Variants in FREM1 observed in about 807,000 individuals in gnomAD.
FREM1 encodes FRAS1 related extracellular matrix 1, also known as FRAS1-related extracellular matrix protein 1.
In FREM1, 220 loss-of-function variants were observed where a neutral mutation model predicts 210.1. That is an observed-to-expected ratio of 1.05 (90% CI 0.94 to 1.17). FREM1 has a LOEUF of 1.17. Ranked by LOEUF, FREM1 falls within the 50% of genes most tolerant of loss-of-function variation. The pLI is 0.00. For missense variants in FREM1, 3,454 were observed against 2,675.5 expected (o/e 1.29, Z -6.42); for synonymous variants, 1,189 against 980.2 (o/e 1.21, Z -3.98).
chr9:14,881,390 A>C (rs932455453), intron 1 of FREM1, among the ~76,000 whole-genome samples: 23 of 152,206 alleles, frequency 1.5e-4, no homozygotes, highest in Non-Finnish European at 3.1e-4. Flanking sequence ...GGAATAAGTC[A>C]ATCTCAACAG....
At chr9:14,808,753 G>C (rs902125619) in intron 16 of FREM1, among the ~76,000 whole-genome samples, 12 of 152,130 alleles carry the variant, frequency 7.9e-5, no homozygotes, top group Non-Finnish European at 1.5e-5. Context: ...CACTGTTTAG[G>C]TCTTACATCT....
Position 14,841,478 on chromosome 9 carries a change from C to G in FREM1, c.1850G>C (p.Ser617Thr). The change falls in exon 10 of 37, where the codon AGC becomes ACC. Residue 617 changes from serine to threonine, a missense_variant. Physicochemically the swap from Ser to Thr is moderately conservative, Grantham distance 58 (BLOSUM62 1). Coordinates refer to ENST00000380880, the MANE Select transcript of FREM1 (RefSeq NM_001379081.2). ...CACTGAAAGATTTGGAGGTTCATGG[C>G]TGTCCCACAGGACAAATTGAAAAGA... is the stretch of plus-strand genomic sequence containing the variant. The part of the protein sequence containing the change: ...EDSFQFVLWD[S>T]HEPPNLSVPQ... 6.2e-7 allele frequency: 1 copy of G among 1,610,548 alleles called. No individual in the cohort carries two copies. Among genetic ancestry groups the G allele is most frequent in the Non-Finnish European group, 8.5e-7 (1 of 1,177,590 alleles).
intron 5 of FREM1, among the ~76,000 whole-genome samples, chr9:14,852,615 G>T (rs190309808): frequency 6.6e-6 from 1 of 152,296 alleles, no homozygotes; most frequent in Admixed American, 6.5e-5. Flanking sequence ...GATCACTTGA[G>T]CCCAGGAGTT....
chr9:14,840,874 A>G (rs934376962), intron 10 of FREM1, among the ~76,000 whole-genome samples: 1 of 152,360 alleles, frequency 6.6e-6, no homozygotes, highest in Admixed American at 6.5e-5. Flanking sequence ...ACACATTTAA[A>G]TTATATCCTC....
At chr9:14,820,385 C>G (rs1821069756) in intron 13 of FREM1, among the ~76,000 whole-genome samples, 1 of 152,158 alleles carries the variant, frequency 6.6e-6, no homozygotes, top group African/African-American at 2.4e-5. Context: ...AGTAAGGTGC[C>G]CTGTCCATGG....
chr9:14,806,378 C>T (rs1386764707), intron 18 of FREM1, among the ~76,000 whole-genome samples: 2 of 151,762 alleles, frequency 1.3e-5, no homozygotes, highest in Non-Finnish European at 2.9e-5. Flanking sequence ...GCCTCAGCCT[C>T]CCAAGTAGCT....
At chr9:14,796,662 G>A (rs1852452967) in intron 21 of FREM1, among the ~76,000 whole-genome samples, 2 of 152,168 alleles carry the variant, frequency 1.3e-5, no homozygotes, top group African/African-American at 4.8e-5. Context: ...GTGATAGTGA[G>A]TCAGTTCTCA....
intron 29 of FREM1, among the ~76,000 whole-genome samples, 199 bp downstream of exon 29, chr9:14,756,175 C>A (rs1330536214): frequency 6.6e-6 from 1 of 151,964 alleles, no homozygotes; most frequent in Non-Finnish European, 1.5e-5. Flanking sequence ...AATCAAAATT[C>A]ATTTGTTACT....
intron 29 of FREM1, among the ~76,000 whole-genome samples, 184 bp downstream of exon 29, chr9:14,756,185 TAAAAA>T (rs1256319609): frequency 6.6e-6 from 1 of 150,844 alleles, no homozygotes; most frequent in African/African-American, 2.4e-5. Flanking sequence ...CATTTGTTAC[TAAAAA>T]AAAATAAGGG....
At chr9:14,826,155 C>T (rs1399574434) in intron 10 of FREM1, among the ~76,000 whole-genome samples, 8 of 138,826 alleles carry the variant, frequency 5.8e-5, no homozygotes, top group Non-Finnish European at 1.1e-4. Flanking sequence ...TGCAGTGGTG[C>T]GATCTCAGCT....
At chr9:14,813,628 T>C (rs1029374731) in intron 15 of FREM1, among the ~76,000 whole-genome samples, 4 of 152,016 alleles carry the variant, frequency 2.6e-5, no homozygotes, top group South Asian at 4.2e-4. Flanking sequence ...CCAGGTTTCA[T>C]CCCGACAAAA....
chr9:14,823,357 G>T (rs2130803565), intron 12 of FREM1, 30 bp from the exon 13 acceptor site: 1 of 1,597,342 alleles, frequency 6.3e-7, no homozygotes, highest in Admixed American at 1.7e-5. Context: ...GGATATGTGG[G>T]TGCTGACTTG....
chr9:14,857,414 G>C, intron 5 of FREM1, 139 bp downstream of exon 5: 2 of 787,772 alleles, frequency 2.5e-6, no homozygotes, highest in Non-Finnish European at 4.6e-6. Flanking sequence ...CAAGCCTGCA[G>C]TTCCAATGAG....
chr9:14,884,065 C>T (rs1835320540), intron 1 of FREM1, among the ~76,000 whole-genome samples: 1 of 152,164 alleles, frequency 6.6e-6, no homozygotes, highest in Non-Finnish European at 1.5e-5. Flanking sequence ...CCTGCCTCTA[C>T]TAAAAATACA....
Position 14,821,474 on chromosome 9 carries a change from T to C in FREM1, c.2337+1686A>G, listed in dbSNP as rs73642424. Among the ~76,000 whole-genome samples the C allele has an allele frequency of 2.3e-3, 345 of 152,350 alleles. 3 individuals carry two copies. The highest frequency in any genetic ancestry group is 8.1e-3 in the African/African-American group (335 of 41,580). On this transcript the variant is annotated intron_variant, in intron 13 of 36. Transcript: ENST00000380880. ...TGATTGTTTTAGAGAAAACTTTGGC[T>C]TCTTTAGTGCTAGGCTATTTGATGG...
chr9:14,806,521 T>G lies in FREM1; in HGVS notation c.3274+140A>C, dbSNP rs914377441. The G allele has an allele frequency of 3.2e-4, 195 of 611,544 alleles. 1 individual carries two copies. Among genetic ancestry groups the G allele is most frequent in the Non-Finnish European group, 6.7e-5 (23 of 344,034 alleles). The allele number at this position is 611,544 out of a possible 1,614,324, so 37.9% of individuals were successfully genotyped here. ...TGCCCATCTCGGCCTCCCAAAGTGC[T>G]GGGATTACAGGCATCAGCCACCACG... is the stretch of plus-strand genomic sequence containing the variant. On this transcript the variant is annotated intron_variant, in intron 18 of 36. Coordinates refer to ENST00000380880, the MANE Select transcript of FREM1 (RefSeq NM_001379081.2).
At chr9:14,827,470 T>C (rs1399284144) in intron 10 of FREM1, among the ~76,000 whole-genome samples, 1 of 152,198 alleles carries the variant, frequency 6.6e-6, no homozygotes, top group East Asian at 1.9e-4. Flanking sequence ...TGACTTCTTA[T>C]AGTAAAATAC....
Position 14,845,971 on chromosome 9 carries a change from A to G in FREM1, c.1382T>C (p.Leu461Pro). ...VTVGGLQHGWLTLRGGKGFLF... is the reference protein window; with the variant it reads ...VTVGGLQHGWPTLRGGKGFLF... The stretch of plus-strand genomic sequence containing the variant: ...GTTGGATCATTCACCTCTTAAAGTC[A>G]GCCATCCATGCTGCAGGCCACCAAC... The change falls in exon 8 of 37, where the codon CTG (leucine) becomes CCG (proline). Residue 461 changes from leucine to proline, a missense_variant. Leu to Pro is a moderately conservative substitution (Grantham distance 98). Transcript: ENST00000380880. 1 of 1,613,618 alleles carries G rather than the reference A, an allele frequency of 6.2e-7. No individual in the cohort carries two copies. The highest frequency in any genetic ancestry group is 8.5e-7 in the Non-Finnish European group (1 of 1,179,700).
At chr9:14,862,851 ATGAATATACCAC>A (rs1280065987) in intron 3 of FREM1, among the ~76,000 whole-genome samples, 1 of 152,164 alleles carries the variant, frequency 6.6e-6, no homozygotes, top group Non-Finnish European at 1.5e-5. Context: ...ATTCCATTCC[ATGAATATACCAC>A]ATATTGTTTA....
Sources: gnomAD v4.1 joint callset for allele counts (sites outside exome capture counted in the v4.1 genomes callset) on GRCh38, gnomAD v4.1.1 for gene constraint, MANE v1.5 for transcripts, NCBI Gene and HGNC (gene_info 2026-07-23, HGNC 2026-07-21) for gene names.